MED12L: variants seen among roughly 807,000 people sequenced by gnomAD.
MED12L encodes the protein mediator of RNA polymerase II transcription subunit 12-like protein.
Under a neutral mutation model 281.3 loss-of-function variants are expected in MED12L, and 60 were observed. The ratio of observed to expected loss-of-function variants is 0.21; its 90% CI spans 0.17 to 0.26. The LOEUF (loss-of-function observed/expected upper bound fraction) is 0.26. MED12L is among the 10% of genes least tolerant of loss of function. MED12L has a pLI of 1.00. For synonymous variants in MED12L, 974 were observed against 987.2 expected (o/e 0.99, Z 0.25); for missense variants, 2,146 against 2,680.9 (o/e 0.80, Z 4.41).
chr3:151,261,420 A>C (rs1738862757), intron 16 of MED12L: 3 of 152,140 alleles, frequency 2.0e-5, no homozygotes, highest in Non-Finnish European at 4.4e-5. Flanking sequence ...GATGGTGGCC[A>C]TGGCTTGCTA....
At chr3:151,197,019 A>G (rs1724755707) in intron 16 of MED12L, among the ~76,000 whole-genome samples, 1 of 152,208 alleles carries the variant, frequency 6.6e-6, no homozygotes, top group African/African-American at 2.4e-5. Flanking sequence ...ATGTATGCTT[A>G]TCTAAATTTT....
chr3:151,229,918 G>T (rs565959402), intron 16 of MED12L, among the ~76,000 whole-genome samples: 5 of 152,200 alleles, frequency 3.3e-5, no homozygotes, highest in African/African-American at 1.2e-4. Flanking sequence ...TGAAATCAAA[G>T]ACCTTTACTT....
At chr3:151,312,586 A>C (rs1041197897) in intron 16 of MED12L, among the ~76,000 whole-genome samples, 1 of 152,176 alleles carries the variant, frequency 6.6e-6, no homozygotes, top group Non-Finnish European at 1.5e-5. Context: ...AAGAGACAGT[A>C]ATATCTTTGA....
chr3:151,116,988 C>CT (rs1430738744), intron 3 of MED12L, among the ~76,000 whole-genome samples: 1 of 152,132 alleles, frequency 6.6e-6, no homozygotes, highest in East Asian at 1.9e-4. Flanking sequence ...TATAAATATC[C>CT]TATTCTTCAG....
chr3:151,091,826 T>A (rs572613656), intron 2 of MED12L, among the ~76,000 whole-genome samples: 4 of 152,350 alleles, frequency 2.6e-5, no homozygotes, highest in African/African-American at 4.8e-5. Flanking sequence ...TTCTGGCTAC[T>A]CTGTTTACTG....
At chr3:151,232,010 G>A (rs1731773933) in intron 16 of MED12L, among the ~76,000 whole-genome samples, 1 of 152,162 alleles carries the variant, frequency 6.6e-6, no homozygotes, top group African/African-American at 2.4e-5. Context: ...ACACACACGT[G>A]TGTGTGTTGG....
rs193057069 is a variant in MED12L, at chr3:151,300,327, C to T, written c.2251-49732C>T. ...AGCATGTGCTCTTTGGAGATGAACA[C>T]CTGGGCCACACAGAGTTGCCCTCTT... On this transcript the variant is annotated intron_variant, in intron 16 of 44. Transcript: ENST00000687756. 343 of 584,866 alleles carry T rather than the reference C, an allele frequency of 5.9e-4. 5 individuals are homozygous for T. The East Asian group carries it at 8.2e-3, about 14-fold the overall frequency. The allele number at this position is 584,866 out of a possible 1,614,324, so 36.2% of individuals were successfully genotyped here. A position where few individuals can be genotyped will look rare whatever the true frequency, so the allele number is the denominator to read the frequency against.
intron 4 of MED12L, among the ~76,000 whole-genome samples, chr3:151,123,856 T>G (rs532600596): frequency 3.3e-5 from 5 of 152,360 alleles, no homozygotes; most frequent in South Asian, 2.1e-4. Flanking sequence ...TAGCTTCCAT[T>G]GGCTTTATTT....
At chr3:151,127,391 C>A (rs1306267695) in intron 4 of MED12L, among the ~76,000 whole-genome samples, 2 of 152,000 alleles carry the variant, frequency 1.3e-5, no homozygotes, top group African/African-American at 2.4e-5. Context: ...TGTACACACA[C>A]AAAAAAAGGT....
At chr3:151,228,200 G>A (rs892148562) in intron 16 of MED12L, among the ~76,000 whole-genome samples, 2 of 152,200 alleles carry the variant, frequency 1.3e-5, no homozygotes, top group Admixed American at 1.3e-4. Context: ...TTACATGCAT[G>A]CTTGTGGGAT....
intron 40 of MED12L, among the ~76,000 whole-genome samples, chr3:151,410,550 G>A (rs1716822469): frequency 6.6e-6 from 1 of 152,160 alleles, no homozygotes; most frequent in Non-Finnish European, 1.5e-5. Flanking sequence ...TCTATAAATT[G>A]TACCTAGTGA....
intron 39 of MED12L, among the ~76,000 whole-genome samples, chr3:151,400,440 A>G (rs1406085454): frequency 1.3e-5 from 2 of 152,192 alleles, no homozygotes; most frequent in Non-Finnish European, 2.9e-5. Flanking sequence ...TCAGGACAGA[A>G]AAGAGGAAGC....
chr3:151,087,081 C>G, intron 2 of MED12L, 56 bp downstream of exon 2: 1 of 1,433,466 alleles, frequency 7.0e-7, no homozygotes. Context: ...AGCACTGACC[C>G]GGGGCCAAGT....
intron 2 of MED12L, among the ~76,000 whole-genome samples, chr3:151,106,128 G>T (rs1456205696): frequency 6.6e-6 from 1 of 151,934 alleles, no homozygotes; most frequent in Non-Finnish European, 1.5e-5. Flanking sequence ...CTTACCCTCA[G>T]CCTCCCAGTT....
intron 5 of MED12L, among the ~76,000 whole-genome samples, chr3:151,130,221 T>C (rs1369353339): frequency 6.6e-6 from 1 of 151,946 alleles, no homozygotes. Context: ...ATCCCTTAAC[T>C]GTTTCTTCCT....
intron 16 of MED12L, among the ~76,000 whole-genome samples, chr3:151,233,183 C>T (rs924184617): frequency 5.3e-5 from 8 of 152,152 alleles, no homozygotes; most frequent in Non-Finnish European, 1.2e-4. Flanking sequence ...TGGATGTTGA[C>T]GAGCCCGGCT....
At chr3:151,149,197 CAG>C (rs1471758434) in intron 5 of MED12L, among the ~76,000 whole-genome samples, 2 of 152,040 alleles carry the variant, frequency 1.3e-5, no homozygotes, top group East Asian at 1.9e-4. Flanking sequence ...TGTAATATGT[CAG>C]AGACGGGAGA....
intron 11 of MED12L, among the ~76,000 whole-genome samples, chr3:151,170,525 C>G (rs905305788): frequency 6.6e-6 from 1 of 152,098 alleles, no homozygotes; most frequent in African/African-American, 2.4e-5. Context: ...CCACCCACCT[C>G]AGCCTCCCAA....
chr3:151,184,371 C>G (rs190184304), intron 11 of MED12L, among the ~76,000 whole-genome samples: 2 of 152,156 alleles, frequency 1.3e-5, no homozygotes. Context: ...ATAGCCATAT[C>G]GTAATCTTAA....
Sources: gnomAD v4.1 joint callset for allele counts (sites outside exome capture counted in the v4.1 genomes callset) on GRCh38, gnomAD v4.1.1 for gene constraint, MANE v1.5 for transcripts, NCBI Gene and HGNC (gene_info 2026-07-23, HGNC 2026-07-21) for gene names.